FAM199X: variants seen among roughly 807,000 people sequenced by gnomAD.
FAM199X encodes family with sequence similarity 199, X-linked.
Under a neutral mutation model 22.9 loss-of-function variants are expected in FAM199X, and 4 were observed. That is an observed-to-expected ratio of 0.17 (90% CI 0.09 to 0.40). FAM199X has a LOEUF of 0.40. FAM199X is among the 10% of genes least tolerant of loss of function. The probability of loss-of-function intolerance (pLI) is 1.00; values close to 1 mark genes in which losing one functional copy is unlikely to be tolerated. For synonymous variants in FAM199X, 101 were observed against 112.3 expected (o/e 0.90, Z 0.64); for missense variants, 183 against 306.8 (o/e 0.60, Z 3.01).
At chrX:104,163,095 T>TACACACAC (rs35140355), upstream of FAM199X, among the ~76,000 whole-genome samples, 114 of 95,428 alleles carry the variant, frequency 1.2e-3, 3 homozygotes, top group African/African-American at 4.1e-3. Context: ...CTCAGCTAAA[T>TACACACAC]ACACACACAC....
At position 104,191,379 on chromosome X, in the gene FAM199X, T is replaced by A. The variant is rs1921937270; in HGVS notation, c.*1601T>A. Reference sequence around the variant, plus strand: ...AGGTCTGTGATATGGTTGTAACCTTTTAAAGACTACTAAAGTCATAATTTG... The same window carrying A: ...AGGTCTGTGATATGGTTGTAACCTTATAAAGACTACTAAAGTCATAATTTG... On this transcript the variant is annotated 3_prime_UTR_variant, in exon 6 of 6. Coordinates refer to ENST00000493442, the MANE Select transcript of FAM199X (RefSeq NM_207318.4). 8.9e-6 allele frequency: 1 copy of A among 112,133 alleles called. No homozygotes were observed. Among genetic ancestry groups the A allele is most frequent in the African/African-American group, 3.2e-5 (1 of 30,913 alleles). The allele number at this position is 112,133 out of a possible 1,213,427, so 9.2% of individuals were successfully genotyped here. A position where few individuals can be genotyped will look rare whatever the true frequency, so the allele number is the denominator to read the frequency against.
intron 1 of FAM199X, among the ~76,000 whole-genome samples, chrX:104,169,875 C>A (rs782012633): frequency 8.9e-6 from 1 of 112,014 alleles, no homozygotes; most frequent in Admixed American, 9.5e-5. Flanking sequence ...GCCCAGTATT[C>A]AAATTAAAGT....
intron 1 of FAM199X, among the ~76,000 whole-genome samples, chrX:104,173,296 G>A (rs1556375749): frequency 8.9e-6 from 1 of 111,992 alleles, no homozygotes; most frequent in Non-Finnish European, 1.9e-5. Flanking sequence ...TAGCGAGCAT[G>A]TGATGAAAGT....
chrX:104,195,258 T>G lies in FAM199X; in HGVS notation c.*5480T>G, dbSNP rs1922030650. 1.8e-5 allele frequency: 2 copies of G among 111,520 alleles called. No individual in the cohort carries two copies. The highest frequency in any genetic ancestry group is 6.5e-5 in the African/African-American group (2 of 30,752). 9.2% of individuals were successfully genotyped at this position (111,520 alleles called of 1,213,427 possible). ...AGCCCACTCACTGCTGCTTACTACT[T>G]TATACTTCTGAGTCAGCTCCTTTCA... On this transcript the variant is annotated 3_prime_UTR_variant, in exon 6 of 6. Transcript: ENST00000493442.
chrX:104,189,269 C>T (rs1338647270), intron 5 of FAM199X, among the ~76,000 whole-genome samples: 3 of 111,306 alleles, frequency 2.7e-5, no homozygotes, highest in East Asian at 2.8e-4. Context: ...TCAGTATTGT[C>T]GCCTAGTATT....
rs1202971766 is a variant in FAM199X at position 104,195,545 on chromosome X, CA to C, written c.*5773del. Reference sequence around the variant, plus strand: ...GGGCAGTAGGTCTAATTTTTTTTGACAAAAAATAGATCTATTTTCCTTATAT... The same window carrying C: ...GGGCAGTAGGTCTAATTTTTTTTGACAAAAATAGATCTATTTTCCTTATAT... On this transcript the variant is annotated 3_prime_UTR_variant, in exon 6 of 6. Transcript: ENST00000493442. 1.5e-4 allele frequency: 17 copies of C among 110,479 alleles called. No individual in the cohort carries two copies. The highest frequency in any genetic ancestry group is 2.8e-4 in the Non-Finnish European group (15 of 52,763). 9.1% of individuals were successfully genotyped at this position (110,479 alleles called of 1,213,427 possible).
At chrX:104,189,082 A>G (rs1239213398) in intron 5 of FAM199X, among the ~76,000 whole-genome samples, 1 of 111,658 alleles carries the variant, frequency 9.0e-6, no homozygotes, top group East Asian at 2.8e-4. Flanking sequence ...TTCACCGGTG[A>G]CAAGGATGGG....
upstream of FAM199X, among the ~76,000 whole-genome samples, chrX:104,166,024 G>A (rs1556373689): frequency 2.7e-5 from 3 of 112,180 alleles, no homozygotes; most frequent in African/African-American, 9.7e-5. Flanking sequence ...AGGTGATCAA[G>A]GGTGAGGAAG....
chrX:104,180,508 A>T (rs1408078918), intron 2 of FAM199X, among the ~76,000 whole-genome samples: 1 of 110,881 alleles, frequency 9.0e-6, no homozygotes, highest in Non-Finnish European at 1.9e-5. Context: ...TGTTATGAGT[A>T]GTTAAGAGTG....
chrX:104,167,080 C>T, intron 1 of FAM199X, 98 bp downstream of exon 1: 5 of 783,194 alleles, frequency 6.4e-6, no homozygotes, highest in Non-Finnish European at 8.7e-6. Context: ...TCGCCCCCTC[C>T]CCCACCTGCT....
rs782689710 is a variant in FAM199X, at chrX:104,175,051, A to G, written c.198-572A>G. 1.3e-4 allele frequency among the ~76,000 whole-genome samples: 15 copies of G among 112,030 alleles called. No homozygotes were observed. In the South Asian group the frequency reaches 2.6e-3, roughly 19 times the overall value. On this transcript the variant is annotated intron_variant, in intron 1 of 5. Transcript: ENST00000493442. ...AGCTGTCATATATTGGGCACTTTTT[A>G]TGTGTGCTACAAGTGCTGTGTATGC...
chrX:104,160,481 G>A, the FAM199X span, among the ~76,000 whole-genome samples: 2 of 112,638 alleles, frequency 1.8e-5, no homozygotes, highest in East Asian at 5.6e-4. Flanking sequence ...AAATTTATCA[G>A]CTGTTGGTTG....
At chrX:104,157,119 G>A in the FAM199X span, 3 of 109,960 alleles carry the variant, frequency 2.7e-5, no homozygotes, top group Admixed American at 1.9e-4. Flanking sequence ...AGAGCCAGGC[G>A]ACTAATCTGG....
chrX:104,186,384 TA>T, intron 3 of FAM199X, 75 bp from the exon 4 acceptor site: 1 of 1,122,840 alleles, frequency 8.9e-7, no homozygotes, highest in Non-Finnish European at 1.2e-6. Context: ...TTCTGCTATG[TA>T]AACACATTAT....
Position 104,189,736 on chromosome X carries a change from G to T in FAM199X, c.1125G>T (p.Val375=), listed in dbSNP as rs1921891629. ...FLNEEVLSLK[V]TEEDHEADVD... is the part of the protein sequence containing the mutation. The stretch of plus-strand genomic sequence containing the variant: ...ACGAAGAGGTGCTGTCCTTGAAAGT[G>T]ACTGAGGAAGACCATGAAGCAGATG... Residue 375 remains valine, a synonymous_variant, in exon 6 of 6, where the codon GTG becomes GTT. Coordinates refer to ENST00000493442, the MANE Select transcript of FAM199X (RefSeq NM_207318.4). 1.7e-6 allele frequency: 2 copies of T among 1,211,374 alleles called. No homozygotes were observed. The highest frequency in any genetic ancestry group is 5.9e-5 in the East Asian group (2 of 33,849).
chrX:104,166,561 G>A lies in FAM199X; in HGVS notation c.-225G>A. ...CGGCGGAAGCTGCAGAGGCCACCGG[G>A]GCGCTAACTGGGTGGCCGGTGGGCC... On this transcript the variant is annotated 5_prime_UTR_variant, in exon 1 of 6. Transcript: ENST00000493442. The A allele has an allele frequency of 6.8e-6, 2 of 295,081 alleles. No homozygotes were observed. Among genetic ancestry groups the A allele is most frequent in the Non-Finnish European group, 1.2e-5 (2 of 168,199 alleles). The allele number at this position is 295,081 out of a possible 1,213,427, so 24.3% of individuals were successfully genotyped here. A position where few individuals can be genotyped will look rare whatever the true frequency, so the allele number is the denominator to read the frequency against.
intron 2 of FAM199X, among the ~76,000 whole-genome samples, chrX:104,184,473 T>C (rs949542801): frequency 8.9e-6 from 1 of 112,218 alleles, no homozygotes; most frequent in Non-Finnish European, 1.9e-5. Context: ...GACTTAAATA[T>C]ATTTATTTAA....
chrX:104,164,473 A>G (rs1304515375), upstream of FAM199X, among the ~76,000 whole-genome samples: 1 of 112,486 alleles, frequency 8.9e-6, no homozygotes, highest in Admixed American at 9.4e-5. Context: ...ATACTTCAGA[A>G]TATGCTTAAA....
intron 1 of FAM199X, among the ~76,000 whole-genome samples, chrX:104,169,964 G>T (rs782577013): frequency 8.9e-6 from 1 of 112,208 alleles, no homozygotes; most frequent in East Asian, 2.8e-4. Flanking sequence ...AGTTTCCTAA[G>T]CATTCATACC....
Sources: allele counts gnomAD v4.1 joint callset (sites outside exome capture counted in the v4.1 genomes callset), GRCh38; gene constraint gnomAD v4.1.1; transcripts MANE v1.5; gene names NCBI Gene and HGNC (gene_info 2026-07-23, HGNC 2026-07-21).